SCN8A: variants seen among roughly 807,000 people sequenced by gnomAD.
SCN8A encodes sodium voltage-gated channel alpha subunit 8.
In SCN8A, 30 loss-of-function variants were observed where a neutral mutation model predicts 184.1. The observed-to-expected ratio is 0.16, with a 90% CI of 0.12 to 0.22. SCN8A has a LOEUF of 0.22. SCN8A is among the 10% of genes least tolerant of loss of function. The probability of loss-of-function intolerance (pLI) is 1.00; values close to 1 mark genes in which losing one functional copy is unlikely to be tolerated. For missense variants in SCN8A, 1,057 were observed against 2,498.9 expected, an observed-to-expected ratio of 0.42 and a Z score of 12.30; for synonymous variants, 852 against 907.0, an observed-to-expected ratio of 0.94 and a Z score of 1.09.
At chr12:51,653,499 A>C (rs140682332) in intron 1 of SCN8A, among the ~76,000 whole-genome samples, 37 of 152,284 alleles carry the variant, frequency 2.4e-4, no homozygotes, top group Non-Finnish European at 5.0e-4. Flanking sequence ...AGCATGTGTC[A>C]GGATTTCTTG....
chr12:51,620,034 C>T (rs758259815), intron 1 of SCN8A, among the ~76,000 whole-genome samples: 12 of 152,118 alleles, frequency 7.9e-5, no homozygotes, highest in Non-Finnish European at 1.5e-4. Context: ...TAGATCAAGA[C>T]ATTCAGTGTG....
At chr12:51,717,676 G>T (rs1000989453) in intron 11 of SCN8A, among the ~76,000 whole-genome samples, 5 of 152,176 alleles carry the variant, frequency 3.3e-5, no homozygotes, top group Admixed American at 6.5e-5. Context: ...ACCACACAGC[G>T]TATGTGTCCT....
At chr12:51,780,842 C>T in intron 21 of SCN8A, 71 bp downstream of exon 21, 1 of 1,397,710 alleles carries the variant, frequency 7.2e-7, no homozygotes, top group Admixed American at 2.9e-5. Context: ...GAACTGATCA[C>T]ATGGTGGAAA....
intron 26 of SCN8A, among the ~76,000 whole-genome samples, chr12:51,801,270 A>C (rs1938550138): frequency 1.3e-5 from 2 of 152,186 alleles, no homozygotes; most frequent in South Asian, 4.1e-4. Context: ...AATTATTCCC[A>C]TTGCATTTAA....
chr12:51,768,501 A>G (rs770487917), intron 16 of SCN8A, among the ~76,000 whole-genome samples: 7 of 151,966 alleles, frequency 4.6e-5, no homozygotes, highest in Non-Finnish European at 1.0e-4. Flanking sequence ...GCATCTGTAC[A>G]CTTTGTGACC....
rs570608235 is a variant in SCN8A at position 51,709,561 on chromosome 12, C to T, written c.1635+2846C>T. Reference sequence around the variant, plus strand: ...TGAGCTCAGAATTGAAAGTGTCCATCGGATTTGGCAATATAAAGTCATTGA... The same window carrying T: ...TGAGCTCAGAATTGAAAGTGTCCATTGGATTTGGCAATATAAAGTCATTGA... On this transcript the variant is annotated intron_variant, in intron 11 of 26. Transcript: ENST00000627620. Among the ~76,000 whole-genome samples the T allele has an allele frequency of 4.9e-4, 75 of 152,092 alleles. 1 individual carries two copies. The highest frequency in any genetic ancestry group is 1.0e-3 in the Non-Finnish European group (68 of 68,010).
At chr12:51,612,097 C>T (rs1418649116) in intron 1 of SCN8A, among the ~76,000 whole-genome samples, 2 of 152,256 alleles carry the variant, frequency 1.3e-5, no homozygotes, top group South Asian at 2.1e-4. Flanking sequence ...ATGCATTCTT[C>T]CTGATTTTAG....
intron 1 of SCN8A, among the ~76,000 whole-genome samples, chr12:51,633,493 T>C (rs1282805309): frequency 1.3e-5 from 2 of 152,256 alleles, no homozygotes; most frequent in South Asian, 2.1e-4. Context: ...TCACCAGTTA[T>C]GCTTTGTGAA....
chr12:51,701,103 A>AAT (rs1941680203), intron 7 of SCN8A, 41 bp from the exon 8 acceptor site: 1 of 1,422,296 alleles, frequency 7.0e-7, no homozygotes, highest in Non-Finnish European at 9.9e-7. Context: ...TCATTCACTT[A>AAT]AATCTGCCTG....
intron 11 of SCN8A, among the ~76,000 whole-genome samples, chr12:51,719,884 G>A (rs1942021400): frequency 6.6e-6 from 1 of 151,932 alleles, no homozygotes; most frequent in Non-Finnish European, 1.5e-5. Flanking sequence ...AGACCATCCT[G>A]GCTAACACGG....
At chr12:51,769,817 T>A in intron 17 of SCN8A, 51 bp from the exon 18 acceptor site, 1 of 1,150,254 alleles carries the variant, frequency 8.7e-7, no homozygotes, top group South Asian at 1.3e-5. Flanking sequence ...CAGTGTGGAG[T>A]GGGCATGTTG....
intron 14 of SCN8A, among the ~76,000 whole-genome samples, chr12:51,753,727 A>G (rs1942630866): frequency 6.6e-6 from 1 of 152,214 alleles, no homozygotes. Context: ...CCATGCCATC[A>G]CTGGTTGGGA....
chr12:51,595,378 AT>A (rs1360993263), intron 1 of SCN8A, among the ~76,000 whole-genome samples: 1 of 152,232 alleles, frequency 6.6e-6, no homozygotes, highest in Non-Finnish European at 1.5e-5. Flanking sequence ...TGGAAAAATT[AT>A]CCCTTTGTGA....
intron 1 of SCN8A, among the ~76,000 whole-genome samples, chr12:51,593,298 G>T (rs957343044): frequency 6.6e-6 from 1 of 152,242 alleles, no homozygotes; most frequent in East Asian, 1.9e-4. Context: ...ATCTGATTCA[G>T]GGTATATGTA....
At position 51,705,624 on chromosome 12, in the gene SCN8A, GT is replaced by G; in HGVS notation, c.1341+3del. Reference sequence around the variant, plus strand: ...TAAGAAGCAACAGGAAGAGGCACAGGTTGGTGATGAATTCTTTGCAATAGAC... The same window carrying G: ...TAAGAAGCAACAGGAAGAGGCACAGGTGGTGATGAATTCTTTGCAATAGAC... On this transcript the variant is annotated splice_donor_variant, in intron 10 of 26. Coordinates refer to ENST00000627620, the MANE Select transcript of SCN8A (RefSeq NM_001330260.2). LOFTEE classifies it high-confidence loss of function. 6.2e-7 allele frequency: 1 copy of G among 1,611,478 alleles called. No homozygotes were observed. The highest frequency in any genetic ancestry group is 8.5e-7 in the Non-Finnish European group (1 of 1,178,672).
intron 1 of SCN8A, among the ~76,000 whole-genome samples, chr12:51,654,429 C>A (rs754398447): frequency 6.6e-6 from 1 of 152,168 alleles, no homozygotes; most frequent in Non-Finnish European, 1.5e-5. Flanking sequence ...GTTTTGCCAG[C>A]AACATTTGTT....
chr12:51,628,534 G>T (rs1169892269), intron 1 of SCN8A, among the ~76,000 whole-genome samples: 1 of 152,178 alleles, frequency 6.6e-6, no homozygotes, highest in Non-Finnish European at 1.5e-5. Flanking sequence ...TCCTTCTGGA[G>T]GGTGAAGAGG....
At chr12:51,597,314 A>G (rs534334909) in intron 1 of SCN8A, among the ~76,000 whole-genome samples, 1 of 152,292 alleles carries the variant, frequency 6.6e-6, no homozygotes, top group Admixed American at 6.5e-5. Flanking sequence ...GGAAGTGGAA[A>G]GCACTGAACT....
chr12:51,744,505 G>GTT, intron 12 of SCN8A, among the ~76,000 whole-genome samples: 1 of 148,602 alleles, frequency 6.7e-6, no homozygotes, highest in African/African-American at 2.5e-5. Flanking sequence ...AGGGAAATCG[G>GTT]TTTTTTTTTT....
Sources: gnomAD v4.1 joint callset for allele counts (sites outside exome capture counted in the v4.1 genomes callset) on GRCh38, gnomAD v4.1.1 for gene constraint, MANE v1.5 for transcripts, NCBI Gene and HGNC (gene_info 2026-07-23, HGNC 2026-07-21) for gene names.